The following ACAP2 variants were observed in gnomAD, a reference collection of about 807,000 sequenced individuals.
ACAP2 encodes the protein arf-GAP with coiled-coil, ANK repeat and PH domain-containing protein 2.
ACAP2 carries 39 observed loss-of-function variants against 115.8 expected under a neutral mutation model. That is an observed-to-expected ratio of 0.34 (90% CI 0.26 to 0.44). ACAP2 has a LOEUF of 0.44. Among genes scored for constraint, ACAP2 ranks in the 20% least tolerant of loss-of-function variants. The probability of loss-of-function intolerance (pLI) is 1.00; values close to 1 mark genes in which losing one functional copy is unlikely to be tolerated. For missense variants in ACAP2, 662 were observed against 927.6 expected (o/e 0.71, Z 3.72); for synonymous variants, 289 against 315.8 (o/e 0.92, Z 0.90).
chr3:195,381,037 C>T lies in ACAP2; in HGVS notation c.257G>A (p.Ser86Asn), dbSNP rs1291527574. Residue 86 changes from serine (S) to asparagine (N), a missense_variant, in exon 4 of 23, where the codon AGT becomes AAT. Ser to Asn is a conservative substitution (Grantham distance 46). Around this residue, in one of 3 missense-constraint regions of ACAP2, gnomAD observed 401 missense variants for 604.4 expected, o/e 0.66. Coordinates refer to ENST00000326793, the MANE Select transcript of ACAP2 (RefSeq NM_012287.6). ...VETSLTKFSD[S>N]LQEMINFHTI... ...GTGAAAATTTATCATTTCTTGAAGA[C>T]TGTCAGAAAACTTGGTCAAACTTGT... 2 of 1,601,250 alleles carry T rather than the reference C, an allele frequency of 1.2e-6. No homozygotes were observed. Among genetic ancestry groups the T allele is most frequent in the African/African-American group, 2.7e-5 (2 of 74,050 alleles).
chr3:195,424,261 GTATATATA>G (rs1277754660), intron 1 of ACAP2, among the ~76,000 whole-genome samples: 11 of 54,678 alleles, frequency 2.0e-4, no homozygotes, highest in South Asian at 1.4e-3. Flanking sequence ...GTGTGTGTGT[GTATATATA>G]TATATATATA....
At chr3:195,344,181 G>A (rs1467811948) in intron 5 of ACAP2, among the ~76,000 whole-genome samples, 1 of 152,156 alleles carries the variant, frequency 6.6e-6, no homozygotes, top group Non-Finnish European at 1.5e-5. Context: ...TCAAGCCACT[G>A]TACTCCAGCC....
intron 9 of ACAP2, among the ~76,000 whole-genome samples, chr3:195,324,269 AAGAC>A (rs1272212861): frequency 2.0e-5 from 3 of 152,192 alleles, no homozygotes; most frequent in Admixed American, 2.0e-4. Context: ...TTTAGACAAA[AAGAC>A]AGTGAAACAG....
At chr3:195,409,425 T>C (rs1713067617) in intron 1 of ACAP2, among the ~76,000 whole-genome samples, 1 of 151,572 alleles carries the variant, frequency 6.6e-6, no homozygotes, top group Admixed American at 6.6e-5. Context: ...AAGGCATTCC[T>C]GGGGGAAAAA....
At chr3:195,286,405 G>A (rs1342448517) in intron 21 of ACAP2, among the ~76,000 whole-genome samples, 1 of 152,084 alleles carries the variant, frequency 6.6e-6, no homozygotes, top group Non-Finnish European at 1.5e-5. Flanking sequence ...TTCTTTTTAG[G>A]TTACTCATCT....
rs531574340 is a variant in ACAP2, at chr3:195,408,150, T to C, written c.54-16003A>G. Among the ~76,000 whole-genome samples, 4 of 152,272 alleles carry C rather than the reference T, an allele frequency of 2.6e-5. No homozygotes were observed. The East Asian group carries it at 7.7e-4, about 29-fold the overall frequency. On this transcript the variant is annotated intron_variant, in intron 1 of 22. Coordinates refer to ENST00000326793, the MANE Select transcript of ACAP2 (RefSeq NM_012287.6). ...AATAGACTTATAACTAGTAAAAAGA[T>C]TGAATCTGTCATCGAAAATCTCCAA...
intron 22 of ACAP2, among the ~76,000 whole-genome samples, chr3:195,284,539 T>C (rs1236677610): frequency 7.2e-5 from 11 of 152,344 alleles, no homozygotes; most frequent in Non-Finnish European, 1.5e-5. Context: ...GTGCCTCTAT[T>C]CTTAACGTTC....
chr3:195,376,258 G>A (rs1386115407), intron 4 of ACAP2, among the ~76,000 whole-genome samples: 1 of 152,120 alleles, frequency 6.6e-6, no homozygotes, highest in Non-Finnish European at 1.5e-5. Context: ...GCCGGGTGTG[G>A]TGGTGGGTGC....
At chr3:195,394,340 A>C (rs1332877916) in intron 1 of ACAP2, among the ~76,000 whole-genome samples, 1 of 152,134 alleles carries the variant, frequency 6.6e-6, no homozygotes, top group Non-Finnish European at 1.5e-5. Context: ...TTACATTTTA[A>C]CCTTTATTTA....
intron 1 of ACAP2, among the ~76,000 whole-genome samples, chr3:195,415,639 G>C (rs1713658608): frequency 6.6e-6 from 1 of 152,062 alleles, no homozygotes; most frequent in Non-Finnish European, 1.5e-5. Flanking sequence ...TTTTATTAAA[G>C]AGATACCAGA....
At chr3:195,394,582 G>A (rs60222890) in intron 1 of ACAP2, among the ~76,000 whole-genome samples, 5,554 of 152,282 alleles carry the variant, frequency 0.036, 323 homozygotes, top group African/African-American at 0.12. Flanking sequence ...TCGGGAAGCC[G>A]AGCTGGGCAG....
At chr3:195,326,719 T>G in intron 9 of ACAP2, 166 bp downstream of exon 9, 1 of 568,002 alleles carries the variant, frequency 1.8e-6, no homozygotes, top group East Asian at 3.0e-5. Context: ...ATACATACCT[T>G]AAAATCTGAA....
chr3:195,406,920 T>C (rs774228892), intron 1 of ACAP2, among the ~76,000 whole-genome samples: 4 of 152,192 alleles, frequency 2.6e-5, no homozygotes, highest in Non-Finnish European at 5.9e-5. Context: ...ACTAAAATTT[T>C]TGCAGACAGA....
At chr3:195,392,015 T>C in intron 2 of ACAP2, 75 bp downstream of exon 2, 2 of 1,210,816 alleles carry the variant, frequency 1.7e-6, no homozygotes, top group Admixed American at 2.0e-5. Flanking sequence ...AAAAGAGACC[T>C]ACTACTGTAG....
intron 22 of ACAP2, chr3:195,282,076 AC>A (rs1726545662): frequency 6.6e-6 from 1 of 152,240 alleles, no homozygotes; most frequent in Non-Finnish European, 1.5e-5. Context: ...TACAGGTAGC[AC>A]CAGATGAGCA....
chr3:195,278,207 C>G lies in ACAP2; in HGVS notation c.*1121G>C, dbSNP rs372278830. 4.0e-5 allele frequency: 6 copies of G among 151,852 alleles called. No individual in the cohort carries two copies. The East Asian group carries it at 1.2e-3, about 29-fold the overall frequency. 9.4% of individuals were successfully genotyped at this position (151,852 alleles called of 1,614,324 possible). A position where few individuals can be genotyped will look rare whatever the true frequency, so the allele number is the denominator to read the frequency against. On this transcript the variant is annotated 3_prime_UTR_variant, in exon 23 of 23. Coordinates refer to ENST00000326793, the MANE Select transcript of ACAP2 (RefSeq NM_012287.6). ...CCATAATATTTTGGAATTCAGGGGT[C>G]TGTGAATCATGTAACCGAATACTAA... is the stretch of plus-strand genomic sequence containing the variant.
chr3:195,337,658 G>A (rs1481335724), intron 6 of ACAP2, among the ~76,000 whole-genome samples: 1 of 151,976 alleles, frequency 6.6e-6, no homozygotes, highest in African/African-American at 2.4e-5. Context: ...ATGTTGGTCG[G>A]GCTGGTCTTA....
intron 22 of ACAP2, among the ~76,000 whole-genome samples, chr3:195,284,630 C>CTA (rs1447990189): frequency 3.3e-5 from 5 of 152,106 alleles, no homozygotes; most frequent in Non-Finnish European, 7.4e-5. Context: ...CTCACATTAA[C>CTA]TATATATTAA....
At chr3:195,290,158 G>C (rs1316415581) in intron 20 of ACAP2, among the ~76,000 whole-genome samples, 1 of 152,100 alleles carries the variant, frequency 6.6e-6, no homozygotes, top group African/African-American at 2.4e-5. Context: ...AATCACTTGA[G>C]GTCAGAAGTT....
Sources: gnomAD v4.1 joint callset for allele counts (sites outside exome capture counted in the v4.1 genomes callset) on GRCh38, gnomAD v4.1.1 for gene constraint, gnomAD v4.1.1 regional missense constraint, MANE v1.5 for transcripts, NCBI Gene and HGNC (gene_info 2026-07-23, HGNC 2026-07-21) for gene names.